The following TEAD4 variants were observed in gnomAD, a reference collection of about 807,000 sequenced individuals.
The protein encoded by TEAD4 is transcriptional enhancer factor TEF-3.
In TEAD4, 36 loss-of-function variants were observed where a neutral mutation model predicts 52.4. That is an observed-to-expected ratio of 0.69 (90% CI 0.53 to 0.91). The LOEUF (loss-of-function observed/expected upper bound fraction) is 0.91, where lower values mean the gene tolerates loss of function less well. Ranked by LOEUF, TEAD4 falls within the 40% of genes least tolerant of loss-of-function variation. TEAD4 has a pLI of 0.00. For synonymous variants in TEAD4, 220 were observed against 231.0 expected (o/e 0.95, Z 0.43); for missense variants, 508 against 583.9 (o/e 0.87, Z 1.34).
intron 5 of TEAD4, 82 bp downstream of exon 5, chr12:3,012,314 C>A: frequency 6.9e-7 from 1 of 1,449,708 alleles, no homozygotes; most frequent in Non-Finnish European, 9.5e-7. Context: ...CAGGGCATCA[C>A]TGCTGGTGTG....
chr12:3,015,127 G>A (rs2098263407), intron 5 of TEAD4, among the ~76,000 whole-genome samples: 1 of 152,192 alleles, frequency 6.6e-6, no homozygotes, highest in Non-Finnish European at 1.5e-5. Flanking sequence ...GGGCCAAGGG[G>A]GGCCAGGGAC....
chr12:3,039,554 G>C (rs552609495), intron 11 of TEAD4, among the ~76,000 whole-genome samples: 2 of 152,302 alleles, frequency 1.3e-5, no homozygotes, highest in South Asian at 4.1e-4. Context: ...GTGTCCTCAT[G>C]TACAGTCAGG....
chr12:2,990,183 T>C (rs552500941), intron 2 of TEAD4, among the ~76,000 whole-genome samples: 2 of 152,318 alleles, frequency 1.3e-5, no homozygotes, highest in Non-Finnish European at 2.9e-5. Context: ...TATTTTTAAA[T>C]GTTTGATGTA....
intron 10 of TEAD4, among the ~76,000 whole-genome samples, chr12:3,025,358 G>A (rs1186112064): frequency 2.0e-5 from 3 of 152,090 alleles, no homozygotes. Context: ...TTCATTTTGT[G>A]GGAACACATC....
Position 3,018,580 on chromosome 12 carries a change from G to T in TEAD4, c.519G>T (p.Thr173=). 6.2e-7 allele frequency: 1 copy of T among 1,614,052 alleles called. No homozygotes were observed. The highest frequency in any genetic ancestry group is 8.5e-7 in the Non-Finnish European group (1 of 1,179,952). Reference sequence around the variant, plus strand: ...GAGCTTTGCCAGGCCAAGCCGGAACGTCCCATGAGTGAGTATGGCCTCTGG... The same window carrying T: ...GAGCTTTGCCAGGCCAAGCCGGAACTTCCCATGAGTGAGTATGGCCTCTGG... The change falls in exon 7 of 13, where the codon ACG becomes ACT. Residue 173 remains threonine, a synonymous_variant. Transcript: ENST00000359864.
intron 2 of TEAD4, among the ~76,000 whole-genome samples, chr12:2,987,932 G>C (rs2098239942): frequency 1.3e-5 from 2 of 151,626 alleles, no homozygotes; most frequent in Non-Finnish European, 2.9e-5. Context: ...AGGCGTGATG[G>C]TGGCACATGC....
chr12:2,993,366 C>G (rs2098244684), intron 2 of TEAD4, among the ~76,000 whole-genome samples: 1 of 152,210 alleles, frequency 6.6e-6, no homozygotes, highest in African/African-American at 2.4e-5. Flanking sequence ...GAGATGAAGT[C>G]TTGCTAACTC....
At chr12:2,970,696 C>A (rs746552955) in intron 2 of TEAD4, among the ~76,000 whole-genome samples, 11 of 152,194 alleles carry the variant, frequency 7.2e-5, no homozygotes, top group Non-Finnish European at 1.3e-4. Context: ...GTGAAGAGCA[C>A]CTGCCTTCTG....
intron 3 of TEAD4, among the ~76,000 whole-genome samples, chr12:2,997,102 A>G (rs1235283666): frequency 6.6e-6 from 1 of 152,198 alleles, no homozygotes; most frequent in African/African-American, 2.4e-5. Flanking sequence ...TCAGGGACCC[A>G]GGATGCTTCC....
At chr12:3,006,023 A>G (rs1381262731) in intron 3 of TEAD4, among the ~76,000 whole-genome samples, 1 of 152,206 alleles carries the variant, frequency 6.6e-6, no homozygotes, top group Non-Finnish European at 1.5e-5. Flanking sequence ...AGTTGCTAAG[A>G]AAGTAAATTT....
chr12:3,029,026 G>A (rs989261999), intron 10 of TEAD4, among the ~76,000 whole-genome samples: 1 of 151,980 alleles, frequency 6.6e-6, no homozygotes, highest in Admixed American at 6.6e-5. Flanking sequence ...TATATGATTT[G>A]TAATTATTAT....
intron 2 of TEAD4, among the ~76,000 whole-genome samples, chr12:2,981,275 C>T (rs145456731): frequency 0.025 from 3,809 of 152,356 alleles, 119 homozygotes; most frequent in Admixed American, 0.088. Flanking sequence ...GCAGCACAGC[C>T]CACCCGGCAC....
intron 2 of TEAD4, among the ~76,000 whole-genome samples, chr12:2,965,230 C>T (rs947504868): frequency 1.3e-5 from 2 of 152,112 alleles, no homozygotes; most frequent in African/African-American, 2.4e-5. Context: ...GTGGTGCAAT[C>T]ATGGCTCACT....
At chr12:3,018,904 G>A (rs1591590593) in intron 7 of TEAD4, among the ~76,000 whole-genome samples, 1 of 152,066 alleles carries the variant, frequency 6.6e-6, no homozygotes, top group Non-Finnish European at 1.5e-5. Context: ...AGGAGAGGGA[G>A]GGGTGGATTT....
intron 2 of TEAD4, among the ~76,000 whole-genome samples, chr12:2,963,008 G>A (rs1014062856): frequency 9.9e-5 from 15 of 152,206 alleles, no homozygotes; most frequent in African/African-American, 3.6e-4. Flanking sequence ...CTCAGATAAG[G>A]TTGGTAGGAG....
At chr12:2,997,256 C>G (rs1050268936) in intron 3 of TEAD4, among the ~76,000 whole-genome samples, 1 of 152,208 alleles carries the variant, frequency 6.6e-6, no homozygotes, top group Non-Finnish European at 1.5e-5. Flanking sequence ...AAGGAAGACA[C>G]TGGGAAACTA....
At position 3,012,298 on chromosome 12, in the gene TEAD4, TG is replaced by T; in HGVS notation, c.354+70del. The T allele has an allele frequency of 2.6e-6, 4 of 1,551,316 alleles. No homozygotes were observed. In the South Asian group the frequency reaches 4.6e-5, roughly 18 times the overall value. ...GGTGGCCAGCAGCATATCTTCCCTT[TG>T]GGGTCAGGGCATCACTGCTGGTGTG... On this transcript the variant is annotated intron_variant, in intron 5 of 12. Transcript: ENST00000359864.
intron 2 of TEAD4, among the ~76,000 whole-genome samples, chr12:2,975,627 A>C (rs988741153): frequency 1.3e-5 from 2 of 152,070 alleles, no homozygotes; most frequent in Non-Finnish European, 2.9e-5. Flanking sequence ...ACCTCAGGTG[A>C]TCTGCCCACC....
At chr12:3,003,536 G>A (rs2098253372) in intron 3 of TEAD4, among the ~76,000 whole-genome samples, 1 of 152,114 alleles carries the variant, frequency 6.6e-6, no homozygotes, top group Non-Finnish European at 1.5e-5. Context: ...GGCTGAGTGT[G>A]GGGCTAGGAG....
Sources: allele counts gnomAD v4.1 joint callset (sites outside exome capture counted in the v4.1 genomes callset), GRCh38; gene constraint gnomAD v4.1.1; transcripts MANE v1.5; gene names NCBI Gene and HGNC (gene_info 2026-07-23, HGNC 2026-07-21).